Variants in KCNQ1 observed in about 807,000 individuals in gnomAD.
The protein encoded by KCNQ1 is potassium voltage-gated channel subfamily KQT member 1.
A neutral mutation model predicts 72.4 loss-of-function variants in KCNQ1; 49 were observed. The observed-to-expected ratio is 0.68, with a 90% CI of 0.54 to 0.86. The LOEUF (loss-of-function observed/expected upper bound fraction) is 0.86. Ranked by LOEUF, KCNQ1 falls within the 40% of genes least tolerant of loss-of-function variation. The pLI is 0.00. For missense variants in KCNQ1, 790 were observed against 945.1 expected (o/e 0.84, Z 2.15); for synonymous variants, 450 against 412.6 (o/e 1.09, Z -1.10).
chr11:2,738,413 A>G (rs1385923890), intron 11 of KCNQ1, among the ~76,000 whole-genome samples: 1 of 152,180 alleles, frequency 6.6e-6, no homozygotes, highest in African/African-American at 2.4e-5. Context: ...GCTAAGCGCC[A>G]TGTGAGAATG....
chr11:2,529,168 G>A (rs554597336), intron 2 of KCNQ1, among the ~76,000 whole-genome samples: 2 of 152,280 alleles, frequency 1.3e-5, no homozygotes, highest in East Asian at 1.9e-4. Context: ...TAAACCAGAC[G>A]TCCAGAGGCA....
chr11:2,844,863 G>C (rs554995282), intron 15 of KCNQ1, among the ~76,000 whole-genome samples: 1 of 152,346 alleles, frequency 6.6e-6, no homozygotes, highest in South Asian at 2.1e-4. Context: ...TGATACCCAA[G>C]CTGGGGCCTG....
chr11:2,587,034 G>A (rs1024240311), intron 8 of KCNQ1, among the ~76,000 whole-genome samples: 6 of 152,104 alleles, frequency 3.9e-5, no homozygotes, highest in Admixed American at 3.9e-4. Context: ...GCCATCAGAG[G>A]CTCCCCCAAC....
chr11:2,629,760 T>C (rs951832235), intron 10 of KCNQ1: 1 of 398,436 alleles, frequency 2.5e-6, no homozygotes, highest in African/African-American at 2.1e-5. Flanking sequence ...AAATGACTTC[T>C]GAATGCTGAT....
rs1386442642 is a variant in KCNQ1, at chr11:2,549,241, C to A, written c.477+21223C>A. Among the ~76,000 whole-genome samples the A allele has an allele frequency of 1.3e-5, 2 of 152,200 alleles. No homozygotes were observed. The highest frequency in any genetic ancestry group is 4.8e-5 in the African/African-American group (2 of 41,452). On this transcript the variant is annotated intron_variant, in intron 2 of 15. Coordinates refer to ENST00000155840, the MANE Select transcript of KCNQ1 (RefSeq NM_000218.3). The surrounding 1 kb of genome is among the most constrained non-coding windows in gnomAD (Gnocchi z 6.2). Reference sequence around the variant, plus strand: ...AGCAGGCTACAGCATCCAGCCAGTGCCACCAGGAGCCCACTGGTGCCAGGA... The same window carrying A: ...AGCAGGCTACAGCATCCAGCCAGTGACACCAGGAGCCCACTGGTGCCAGGA...
intron 15 of KCNQ1, among the ~76,000 whole-genome samples, chr11:2,820,372 T>C (rs1847706415): frequency 1.3e-5 from 2 of 152,246 alleles, no homozygotes; most frequent in African/African-American, 4.8e-5. Flanking sequence ...TCTGTTGCTA[T>C]TTTTATTAAT....
Position 2,691,976 on chromosome 11 carries a change from C to T in KCNQ1, c.1514+29895C>T. ...ATGCCAGTGCCTTTCTCTATGCAAA[C>T]CATTTCCCTAAGCTGTTCCCTCAGC... is the stretch of plus-strand genomic sequence containing the variant. On this transcript the variant is annotated intron_variant, in intron 11 of 15. Transcript: ENST00000155840. The surrounding 1 kb of genome is among the most constrained non-coding windows in gnomAD (Gnocchi z 6.4). The T allele has an allele frequency of 2.5e-6, 1 of 398,668 alleles. No individual in the cohort carries two copies. The highest frequency in any genetic ancestry group is 4.4e-6 in the Non-Finnish European group (1 of 226,094). 24.7% of individuals were successfully genotyped at this position (398,668 alleles called of 1,614,324 possible).
At chr11:2,629,798 G>T in intron 10 of KCNQ1, 2 of 398,398 alleles carry the variant, frequency 5.0e-6, no homozygotes, top group Non-Finnish European at 8.9e-6. Flanking sequence ...TACTGAGTTA[G>T]ATTATTACTT....
Position 2,663,719 on chromosome 11 carries a change from G to T in KCNQ1, c.1514+1638G>T. 2.5e-6 allele frequency: 1 copy of T among 398,714 alleles called. No homozygotes were observed. 24.7% of individuals were successfully genotyped at this position (398,714 alleles called of 1,614,324 possible). Reference sequence around the variant, plus strand: ...CTTACCAACTCTTGGGTCTTGCAAGGCCCCTGCAGGTGAAGGTGGTGAGAG... The same window carrying T: ...CTTACCAACTCTTGGGTCTTGCAAGTCCCCTGCAGGTGAAGGTGGTGAGAG... On this transcript the variant is annotated intron_variant, in intron 11 of 15. Coordinates refer to ENST00000155840, the MANE Select transcript of KCNQ1 (RefSeq NM_000218.3). This position sits in a 1 kb window ranked among gnomAD's most constrained non-coding sequence, Gnocchi z 5.2.
Position 2,768,855 on chromosome 11 carries a change from A to G in KCNQ1, c.1526A>G (p.His509Arg), listed in dbSNP as rs1564886353. ...TCTCTCCACTGCAGGCTGCGGGAAC[A>G]CCATCGGGCCACCATTAAGGTCATT... ...PITHISQLRE[H>R]HRATIKVIRR... is the part of the protein sequence containing the mutation. The change falls in exon 12 of 16, where the codon CAC (histidine) becomes CGC (arginine). Residue 509 changes from histidine (H) to arginine (R), a missense_variant. Transcript: ENST00000155840. The surrounding 1 kb of genome is among the most constrained non-coding windows in gnomAD (Gnocchi z 6.7). 1 of 1,613,982 alleles carries G rather than the reference A, an allele frequency of 6.2e-7. No homozygotes were observed. The highest frequency in any genetic ancestry group is 1.3e-5 in the African/African-American group (1 of 74,996).
chr11:2,499,510 G>C (rs1271594194), intron 1 of KCNQ1, among the ~76,000 whole-genome samples: 1 of 150,596 alleles, frequency 6.6e-6, no homozygotes, highest in East Asian at 2.0e-4. Flanking sequence ...AAGACAGAGT[G>C]GTTGAATGGA....
intron 1 of KCNQ1, among the ~76,000 whole-genome samples, chr11:2,503,685 TATA>T (rs148324871): frequency 0.049 from 7,400 of 151,782 alleles, 412 homozygotes; most frequent in African/African-American, 0.13. Flanking sequence ...AAACTTAAAG[TATA>T]ATAATAATAA....
chr11:2,649,274 A>T (rs561127677), intron 10 of KCNQ1: 2 of 398,178 alleles, frequency 5.0e-6, no homozygotes, highest in Non-Finnish European at 4.4e-6. Context: ...ACTGATTTGT[A>T]TACTTTTGTT....
intron 11 of KCNQ1, among the ~76,000 whole-genome samples, chr11:2,760,834 C>G (rs7952405): frequency 0.024 from 3,684 of 152,322 alleles, 130 homozygotes; most frequent in East Asian, 0.14. Context: ...TGCCCCACTA[C>G]TCAAAGTTCT....
In KCNQ1 at chr11:2,620,211, ATTTT is replaced by A. The variant is rs1312458170; in HGVS notation, c.1393+31366_1393+31369del. The A allele has an allele frequency of 2.7e-5, 7 of 261,922 alleles. No homozygotes were observed. The highest frequency in any genetic ancestry group is 2.5e-4 in the East Asian group (4 of 16,146). The allele number at this position is 261,922 out of a possible 1,614,324, so 16.2% of individuals were successfully genotyped here. A position where few individuals can be genotyped will look rare whatever the true frequency, so the allele number is the denominator to read the frequency against. The stretch of plus-strand genomic sequence containing the variant: ...TAAGTTCATTCATGTATATATATAT[ATTTT>A]TTTTTTTTATTTTTTTTTTAGACGG... On this transcript the variant is annotated intron_variant, in intron 10 of 15. Coordinates refer to ENST00000155840, the MANE Select transcript of KCNQ1 (RefSeq NM_000218.3). This position sits in a 1 kb window ranked among gnomAD's most constrained non-coding sequence, Gnocchi z 4.5.
At chr11:2,744,513 G>C (rs1846106639) in intron 11 of KCNQ1, among the ~76,000 whole-genome samples, 1 of 152,228 alleles carries the variant, frequency 6.6e-6, no homozygotes, top group African/African-American at 2.4e-5. Flanking sequence ...GGCACATGAG[G>C]TGGCGTTCCC....
chr11:2,843,310 C>T (rs1483481601), intron 15 of KCNQ1, among the ~76,000 whole-genome samples: 1 of 152,238 alleles, frequency 6.6e-6, no homozygotes, highest in Non-Finnish European at 1.5e-5. Context: ...GTCTGACATC[C>T]GATTGCTCAG....
intron 11 of KCNQ1, among the ~76,000 whole-genome samples, chr11:2,722,413 C>G (rs1845684191): frequency 6.6e-6 from 1 of 152,180 alleles, no homozygotes; most frequent in African/African-American, 2.4e-5. Flanking sequence ...CAGCCTGGAA[C>G]TGAGCCCAGA....
At chr11:2,455,315 G>A (rs138246178) in intron 1 of KCNQ1, among the ~76,000 whole-genome samples, 4,250 of 152,184 alleles carry the variant, frequency 0.028, 182 homozygotes, top group African/African-American at 0.095. Context: ...AGCCAGGATG[G>A]TCTTGATCTC....
Sources: gnomAD v4.1 joint callset for allele counts (sites outside exome capture counted in the v4.1 genomes callset) on GRCh38, gnomAD v4.1.1 for gene constraint, Gnocchi (gnomAD v3.1) non-coding constraint, MANE v1.5 for transcripts, NCBI Gene and HGNC (gene_info 2026-07-23, HGNC 2026-07-21) for gene names.